TET3: variants seen among roughly 807,000 people sequenced by gnomAD.
TET3 encodes methylcytosine dioxygenase TET3.
TET3 carries 19 observed loss-of-function variants against 141.4 expected under a neutral mutation model. That is an observed-to-expected ratio of 0.13 (90% CI 0.09 to 0.20). The LOEUF is 0.20. Ranked by LOEUF, TET3 falls within the 10% of genes least tolerant of loss-of-function variation. The pLI, the probability that TET3 is intolerant of heterozygous loss-of-function variation, is 1.00. For missense variants in TET3, 1,874 were observed against 2,356.9 expected (o/e 0.80, Z 4.24); for synonymous variants, 1,043 against 980.9 (o/e 1.06, Z -1.18).
intron 4 of TET3, among the ~76,000 whole-genome samples, chr2:74,066,355 T>G (rs1688899945): frequency 6.6e-6 from 1 of 152,180 alleles, no homozygotes; most frequent in Non-Finnish European, 1.5e-5. Context: ...TATTTGAAAA[T>G]GAGACATTTA....
rs1374444736 is a variant in TET3 at position 74,013,811 on chromosome 2, C to A, written c.360+10645C>A. ...TGGGCGACAGAGCGAGACTCCATCT[C>A]AAAAAAAAATAGTAATAATAATTCC... is the stretch of plus-strand genomic sequence containing the variant. On this transcript the variant is annotated intron_variant, in intron 3 of 11. Transcript: ENST00000409262. 4.7e-5 allele frequency among the ~76,000 whole-genome samples: 7 copies of A among 149,364 alleles called. 1 individual carries two copies. The highest frequency in any genetic ancestry group is 4.7e-4 in the Admixed American group (7 of 15,030).
chr2:74,110,180 G>A (rs911272923), downstream of TET3, among the ~76,000 whole-genome samples: 4 of 151,966 alleles, frequency 2.6e-5, no homozygotes, highest in African/African-American at 9.7e-5. Flanking sequence ...GTGAACTTTT[G>A]CCAAATCAGG....
intron 10 of TET3, 107 bp from the exon 11 acceptor site, chr2:74,099,163 TATTGGG>T (rs1691016701): frequency 1.1e-6 from 1 of 934,814 alleles, no homozygotes; most frequent in Non-Finnish European, 1.6e-6. Context: ...TAGTGGCTGG[TATTGGG>T]ATTGTGTGGG....
In TET3 at chr2:74,105,151, G is replaced by A. The variant is rs1691427306; in HGVS notation, c.*2975G>A. The A allele has an allele frequency of 1.0e-5, 4 of 398,372 alleles. No homozygotes were observed. The South Asian group carries it at 5.1e-4, about 51-fold the overall frequency. The allele number at this position is 398,372 out of a possible 1,614,324, so 24.7% of individuals were successfully genotyped here. A position where few individuals can be genotyped will look rare whatever the true frequency, so the allele number is the denominator to read the frequency against. On this transcript the variant is annotated 3_prime_UTR_variant, in exon 12 of 12. Coordinates refer to ENST00000409262, the MANE Select transcript of TET3 (RefSeq NM_001287491.2). ...GATGATTAACAGACATTTTTATCAT[G>A]AGAAGAAAAATAAAGCCATTGCAAC...
the TET3 span, among the ~76,000 whole-genome samples, chr2:74,129,335 A>AAC: frequency 6.7e-6 from 1 of 148,950 alleles, no homozygotes; most frequent in Admixed American, 6.7e-5. Flanking sequence ...AAAAAAAAAA[A>AAC]AAAAAAAAAA....
intron 10 of TET3, among the ~76,000 whole-genome samples, chr2:74,098,045 G>A (rs377259568): frequency 1.3e-4 from 20 of 152,116 alleles, no homozygotes; most frequent in Admixed American, 2.0e-4. Flanking sequence ...CAACGAGATC[G>A]ATTTTAACAG....
chr2:73,996,046 T>TG lies in TET3; in HGVS notation c.304-7062dup, dbSNP rs2105107239. On this transcript the variant is annotated intron_variant, in intron 2 of 11. Transcript: ENST00000409262. ...AATGACTCCTCCCCACCTACAGTCT[T>TG]GGTCAGCAGCCCCACTGAGCTGTGT... Among the ~76,000 whole-genome samples the TG allele has an allele frequency of 2.6e-5, 4 of 152,204 alleles. 1 individual carries two copies. Among genetic ancestry groups the TG allele is most frequent in the African/African-American group, 9.6e-5 (4 of 41,528 alleles).
chr2:74,089,839 A>C (rs1690378236), intron 7 of TET3, 58 bp from the exon 8 acceptor site: 1 of 1,590,604 alleles, frequency 6.3e-7, no homozygotes, highest in East Asian at 2.3e-5. Flanking sequence ...GGGAGGAGGA[A>C]TACTCCAGAA....
the TET3 span, among the ~76,000 whole-genome samples, chr2:74,123,474 C>T: frequency 2.6e-5 from 4 of 152,198 alleles, no homozygotes; most frequent in African/African-American, 4.8e-5. Flanking sequence ...AAAAACTGGA[C>T]CCGGCCTGTG....
chr2:74,075,478 G>GCCAC (rs1473342238), intron 5 of TET3, among the ~76,000 whole-genome samples: 1 of 151,632 alleles, frequency 6.6e-6, no homozygotes, highest in Non-Finnish European at 1.5e-5. Flanking sequence ...ACAGGTACAT[G>GCCAC]CCACCACTCC....
rs781187517 is a variant in TET3, at chr2:74,101,046, A to T, written c.4258A>T (p.Thr1420Ser). ...VPRDAGKMGKTPLSEVSQNGG... is the reference protein window; with the variant it reads ...VPRDAGKMGKSPLSEVSQNGG... ...CAGAGACGCTGGCAAGATGGGCAAGACACCTCTGTCCGAGGTGTCTCAGAA... is the reference window on the plus strand; with the variant it reads ...CAGAGACGCTGGCAAGATGGGCAAGTCACCTCTGTCCGAGGTGTCTCAGAA... The change falls in exon 12 of 12, where the codon ACA (threonine) becomes TCA (serine). Residue 1420 changes from threonine (T) to serine (S), a missense_variant. Thr to Ser is a moderately conservative substitution (Grantham distance 58). Coordinates refer to ENST00000409262, the MANE Select transcript of TET3 (RefSeq NM_001287491.2). The surrounding 1 kb of genome is among the most constrained non-coding windows in gnomAD (Gnocchi z 8.5). 6.2e-7 allele frequency: 1 copy of T among 1,613,134 alleles called. No homozygotes were observed. Among genetic ancestry groups the T allele is most frequent in the Non-Finnish European group, 8.5e-7 (1 of 1,179,550 alleles).
intron 2 of TET3, among the ~76,000 whole-genome samples, chr2:73,997,469 A>G (rs964277455): frequency 1.3e-5 from 2 of 152,048 alleles, no homozygotes; most frequent in Non-Finnish European, 2.9e-5. Context: ...TGCCTGTACT[A>G]TGTTCATGCT....
intron 4 of TET3, among the ~76,000 whole-genome samples, chr2:74,063,553 C>A (rs1688712509): frequency 6.6e-6 from 1 of 151,966 alleles, no homozygotes; most frequent in Non-Finnish European, 1.5e-5. Context: ...ATAATTCAGT[C>A]ACAGAAGGAC....
At chr2:74,095,162 C>T (rs559241733) in intron 10 of TET3, among the ~76,000 whole-genome samples, 16 of 152,276 alleles carry the variant, frequency 1.1e-4, no homozygotes, top group Non-Finnish European at 2.1e-4. Context: ...TCCCAGATTC[C>T]GAGTGTAGCT....
intron 2 of TET3, chr2:73,998,305 G>GA (rs1418013337): frequency 6.6e-6 from 1 of 152,224 alleles, no homozygotes; most frequent in Non-Finnish European, 1.5e-5. Context: ...GGGGCGAGGA[G>GA]ACCCTGACAA....
intron 4 of TET3, among the ~76,000 whole-genome samples, chr2:74,065,816 T>C (rs1688869546): frequency 6.6e-6 from 1 of 151,814 alleles, no homozygotes; most frequent in Non-Finnish European, 1.5e-5. Flanking sequence ...TGGAGTGCAG[T>C]GGTGCGACCT....
At chr2:74,090,817 GC>G (rs1418311209) in intron 8 of TET3, among the ~76,000 whole-genome samples, 2 of 152,342 alleles carry the variant, frequency 1.3e-5, no homozygotes, top group East Asian at 3.9e-4. Flanking sequence ...GAAGGCACAA[GC>G]CTATCCAGGT....
chr2:74,075,938 G>A (rs1448173798), intron 5 of TET3, among the ~76,000 whole-genome samples: 1 of 152,172 alleles, frequency 6.6e-6, no homozygotes, highest in Admixed American at 6.5e-5. Context: ...CAGCTTCTGG[G>A]CCGGTGATTT....
chr2:74,116,789 G>A, the TET3 span, among the ~76,000 whole-genome samples: 3 of 151,452 alleles, frequency 2.0e-5, no homozygotes, highest in African/African-American at 7.3e-5. Flanking sequence ...ATTAAAAAGA[G>A]CATCTTGCCA....
Sources: gnomAD v4.1 joint callset for allele counts (sites outside exome capture counted in the v4.1 genomes callset) on GRCh38, gnomAD v4.1.1 for gene constraint, Gnocchi (gnomAD v3.1) non-coding constraint, MANE v1.5 for transcripts, NCBI Gene and HGNC (gene_info 2026-07-23, HGNC 2026-07-21) for gene names.